The following TNRC6A variants were observed in gnomAD, a reference collection of about 807,000 sequenced individuals.
The protein encoded by TNRC6A is trinucleotide repeat containing adaptor 6A.
In TNRC6A, 44 loss-of-function variants were observed where a neutral mutation model predicts 221.2. That is an observed-to-expected ratio of 0.20 (90% CI 0.16 to 0.26). The LOEUF is 0.26. Ranked by LOEUF, TNRC6A falls within the 10% of genes least tolerant of loss-of-function variation. The probability of loss-of-function intolerance (pLI) is 1.00; values close to 1 mark genes in which losing one functional copy is unlikely to be tolerated. For missense variants in TNRC6A, 2,199 were observed against 2,404.4 expected, an observed-to-expected ratio of 0.91 and a Z score of 1.79; for synonymous variants, 847 against 838.5, an observed-to-expected ratio of 1.01 and a Z score of -0.18.
chr16:24,710,757 T>G (rs553984444), intron 2 of TNRC6A, among the ~76,000 whole-genome samples: 32 of 152,164 alleles, frequency 2.1e-4, no homozygotes, highest in African/African-American at 7.5e-4. Flanking sequence ...AGTCTCACTC[T>G]GTCGCCCAGG....
At chr16:24,792,626 T>TC (rs1312250662) in intron 6 of TNRC6A, among the ~76,000 whole-genome samples, 1 of 145,724 alleles carries the variant, frequency 6.9e-6, no homozygotes, top group African/African-American at 2.6e-5. Flanking sequence ...TTTTTTTTTT[T>TC]TTTTTTTTTT....
intron 1 of TNRC6A, among the ~76,000 whole-genome samples, chr16:24,618,316 A>C (rs1900482111): frequency 6.6e-6 from 1 of 152,222 alleles, no homozygotes; most frequent in South Asian, 2.1e-4. Context: ...CCACTGAGCT[A>C]GGTATTTTAC....
At chr16:24,729,427 G>T (rs902480085), upstream of TNRC6A, among the ~76,000 whole-genome samples, 2 of 150,992 alleles carry the variant, frequency 1.3e-5, no homozygotes, top group African/African-American at 4.9e-5. Flanking sequence ...GACCGGAGCC[G>T]GCCGCACCGA....
rs372667285 is a variant in TNRC6A at position 24,797,576 on chromosome 16, T to G, written c.3642+6T>G. 1.1e-5 allele frequency: 17 copies of G among 1,598,994 alleles called. No individual in the cohort carries two copies. The African/African-American group carries it at 2.1e-4, about 20-fold the overall frequency. On this transcript the variant is annotated splice_donor_region_variant and intron_variant, in intron 10 of 24. Transcript: ENST00000395799. ...TTTCAAACATCAGTTTTTCGGTAAGTATGTTTTCTTAGCAGCTCCTTCCTC... is the reference window on the plus strand; with the variant it reads ...TTTCAAACATCAGTTTTTCGGTAAGGATGTTTTCTTAGCAGCTCCTTCCTC...
At chr16:24,702,107 CTTTTTTTTTTT>C (rs201421601) in intron 2 of TNRC6A, among the ~76,000 whole-genome samples, 569 of 50,252 alleles carry the variant, frequency 0.011, 6 homozygotes, top group African/African-American at 0.049. Flanking sequence ...TTTCTTTTTT[CTTTTTTTTTTT>C]TTTTTTTGAG....
intron 6 of TNRC6A, among the ~76,000 whole-genome samples, chr16:24,792,018 C>G (rs1306420297): frequency 2.0e-5 from 3 of 152,164 alleles, no homozygotes; most frequent in Non-Finnish European, 2.9e-5. Flanking sequence ...CTGCACACTT[C>G]ATTCTCTATT....
At position 24,805,035 on chromosome 16, in the gene TNRC6A, G is replaced by A. The variant is rs769237533; in HGVS notation, c.4006G>A (p.Gly1336Ser). 6.2e-7 allele frequency: 1 copy of A among 1,614,012 alleles called. No homozygotes were observed. The highest frequency in any genetic ancestry group is 2.2e-5 in the East Asian group (1 of 44,890). Residue 1336 changes from glycine (G) to serine (S), a missense_variant, in exon 14 of 25, where the codon GGT becomes AGT. Gly to Ser is a moderately conservative substitution (Grantham distance 56). Around this residue, in one of 8 missense-constraint regions of TNRC6A, gnomAD observed 449 missense variants for 579.7 expected, o/e 0.77. Coordinates refer to ENST00000395799, the MANE Select transcript of TNRC6A (RefSeq NM_014494.4). ...VRQNGNPSMF[G>S]VGNTAAQPRG... is the part of the protein sequence containing the mutation. ...ATAGAATGGCAATCCCAGTATGTTTGGTGTTGGAAACACAGCAGCACAACC... is the reference window on the plus strand; with the variant it reads ...ATAGAATGGCAATCCCAGTATGTTTAGTGTTGGAAACACAGCAGCACAACC...
intron 2 of TNRC6A, among the ~76,000 whole-genome samples, chr16:24,712,919 G>GTGTA (rs58179537): frequency 0.097 from 9,015 of 92,812 alleles, 564 homozygotes; most frequent in African/African-American, 0.19. Context: ...GTGTGTGTGT[G>GTGTA]TGTGTGTGTG....
chr16:24,791,948 A>G lies in TNRC6A; in HGVS notation c.3175+131A>G, dbSNP rs1220205986. The G allele has an allele frequency of 7.0e-6, 7 of 999,708 alleles. No individual in the cohort carries two copies. In the African/African-American group the frequency reaches 1.0e-4, roughly 15 times the overall value. 61.9% of individuals were successfully genotyped at this position (999,708 alleles called of 1,614,324 possible). A position where few individuals can be genotyped will look rare whatever the true frequency, so the allele number is the denominator to read the frequency against. On this transcript the variant is annotated intron_variant, in intron 6 of 24. Coordinates refer to ENST00000395799, the MANE Select transcript of TNRC6A (RefSeq NM_014494.4). ...ATCCAGAAGCAGCTTGAAAAAAATT[A>G]TAGGGGTGATGTTTACCACCAGAGA... is the stretch of plus-strand genomic sequence containing the variant.
At chr16:24,793,836 T>C (rs1190532356) in intron 7 of TNRC6A, among the ~76,000 whole-genome samples, 187 bp downstream of exon 7, 1 of 152,282 alleles carries the variant, frequency 6.6e-6, no homozygotes, top group African/African-American at 2.4e-5. Flanking sequence ...TGAATTTTCC[T>C]CTTTTCTCAT....
chr16:24,804,430 T>C, intron 12 of TNRC6A, 111 bp downstream of exon 12: 1 of 1,276,918 alleles, frequency 7.8e-7, no homozygotes, highest in Non-Finnish European at 1.1e-6. Context: ...TACAATCCAC[T>C]ACCAAATCTT....
chr16:24,716,872 C>T (rs1300276931), intron 2 of TNRC6A, among the ~76,000 whole-genome samples: 2 of 147,858 alleles, frequency 1.4e-5, no homozygotes, highest in Non-Finnish European at 3.0e-5. Context: ...GCGGGAGGAT[C>T]ACTTGAACCT....
intron 2 of TNRC6A, among the ~76,000 whole-genome samples, chr16:24,695,465 T>C (rs896394173): frequency 1.3e-5 from 2 of 152,136 alleles, no homozygotes; most frequent in Non-Finnish European, 2.9e-5. Flanking sequence ...AGTGGCGCAA[T>C]CTTGGCTCAC....
chr16:24,760,457 T>C (rs537265143), intron 4 of TNRC6A, among the ~76,000 whole-genome samples: 1 of 152,350 alleles, frequency 6.6e-6, no homozygotes, highest in Non-Finnish European at 1.5e-5. Flanking sequence ...TTTCCACGAC[T>C]CTGTAGATGA....
At chr16:24,764,828 C>T (rs1052034341) in intron 4 of TNRC6A, among the ~76,000 whole-genome samples, 2 of 152,086 alleles carry the variant, frequency 1.3e-5, no homozygotes, top group African/African-American at 4.8e-5. Context: ...AGTACTGAAC[C>T]TCATATATGC....
intron 5 of TNRC6A, among the ~76,000 whole-genome samples, chr16:24,778,929 T>A (rs1745486047): frequency 6.6e-6 from 1 of 152,212 alleles, no homozygotes; most frequent in African/African-American, 2.4e-5. Flanking sequence ...ATGGAGTACC[T>A]GCTGTGAGCT....
chr16:24,656,668 A>G (rs2141880790), intron 2 of TNRC6A, among the ~76,000 whole-genome samples: 1 of 152,274 alleles, frequency 6.6e-6, no homozygotes, highest in East Asian at 1.9e-4. Context: ...AGGGCAAAAT[A>G]TTTAGAACTT....
chr16:24,789,980 T>G lies in TNRC6A; in HGVS notation c.1338T>G (p.Ile446Met). 6.2e-7 allele frequency: 1 copy of G among 1,614,158 alleles called. No individual in the cohort carries two copies. The highest frequency in any genetic ancestry group is 8.5e-7 in the Non-Finnish European group (1 of 1,180,038). ...KVSFSGQPQN[I>M]TTEMTGPNNT... The stretch of plus-strand genomic sequence containing the variant: ...CATTCAGTGGTCAACCTCAAAATAT[T>G]ACCACTGAAATGACTGGACCAAATA... The change falls in exon 6 of 25, where the codon ATT becomes ATG. Residue 446 changes from isoleucine (I) to methionine (M), a missense_variant. Ile to Met is a conservative substitution (Grantham distance 10). Transcript: ENST00000395799.
rs532317922 is a variant in TNRC6A, at chr16:24,699,534, A to C, written n.403-51192A>C. On this transcript the variant is annotated intron_variant and non_coding_transcript_variant, in intron 2 of 2. Transcript: ENST00000566108. ...GGAGTGCCAGACAAGCCTGGGCAAC[A>C]TAGCAAGATCCCATTTCTACAAAAA... Among the ~76,000 whole-genome samples, 12 of 152,256 alleles carry C rather than the reference A, an allele frequency of 7.9e-5. No homozygotes were observed. In the East Asian group the frequency reaches 2.3e-3, roughly 29 times the overall value.
Sources: allele counts gnomAD v4.1 joint callset (sites outside exome capture counted in the v4.1 genomes callset), GRCh38; gene constraint gnomAD v4.1.1; regional missense constraint gnomAD v4.1.1; transcripts MANE v1.5; gene names NCBI Gene and HGNC (gene_info 2026-07-23, HGNC 2026-07-21).